Variants in ETV6 observed in about 807,000 individuals in gnomAD.
ETV6 encodes the protein transcription factor ETV6.
A neutral mutation model predicts 51.1 loss-of-function variants in ETV6; 16 were observed. The observed-to-expected ratio is 0.31, with a 90% CI of 0.21 to 0.48. ETV6 has a LOEUF of 0.48. ETV6 is among the 20% of genes least tolerant of loss of function. The pLI, the probability that ETV6 is intolerant of heterozygous loss-of-function variation, is 0.99. For synonymous variants in ETV6, 240 were observed against 224.1 expected, an observed-to-expected ratio of 1.07 and a Z score of -0.64; for missense variants, 458 against 594.8, an observed-to-expected ratio of 0.77 and a Z score of 2.39.
intron 4 of ETV6, among the ~76,000 whole-genome samples, chr12:11,859,439 C>A (rs1269153206): frequency 6.6e-6 from 1 of 152,088 alleles, no homozygotes; most frequent in Non-Finnish European, 1.5e-5. Context: ...CCACACCCGG[C>A]CTGAATCTGC....
At chr12:11,889,593 G>A (rs554763449) in intron 7 of ETV6, among the ~76,000 whole-genome samples, 64 of 152,296 alleles carry the variant, frequency 4.2e-4, no homozygotes, top group Admixed American at 2.0e-3. Flanking sequence ...GACTCAACTC[G>A]TGAGAAGAGT....
intron 1 of ETV6, among the ~76,000 whole-genome samples, chr12:11,746,411 G>A (rs986310753): frequency 1.3e-5 from 2 of 152,180 alleles, no homozygotes; most frequent in Non-Finnish European, 2.9e-5. Context: ...CAGGGTCATT[G>A]TGAGGCTGAA....
intron 2 of ETV6, among the ~76,000 whole-genome samples, chr12:11,809,966 C>T (rs990030171): frequency 4.0e-5 from 6 of 151,766 alleles, no homozygotes; most frequent in African/African-American, 1.5e-4. Context: ...ACTACAGGCA[C>T]GCACCACAAC....
intron 1 of ETV6, among the ~76,000 whole-genome samples, chr12:11,731,999 G>T (rs1217750836): frequency 6.6e-6 from 1 of 152,132 alleles, no homozygotes; most frequent in Non-Finnish European, 1.5e-5. Flanking sequence ...CAGCATGGTT[G>T]GGTCACCCAA....
At chr12:11,696,690 C>T (rs1864884801) in intron 1 of ETV6, among the ~76,000 whole-genome samples, 1 of 152,058 alleles carries the variant, frequency 6.6e-6, no homozygotes, top group African/African-American at 2.4e-5. Context: ...GTAGCAGGGG[C>T]CTGTAAACCC....
intron 1 of ETV6, among the ~76,000 whole-genome samples, chr12:11,672,445 C>T (rs1184377607): frequency 6.6e-6 from 1 of 152,122 alleles, no homozygotes. Flanking sequence ...AATATCTGCA[C>T]GTGAAGGTGA....
In ETV6 at chr12:11,869,573, C is replaced by G. The variant is rs1367618113; in HGVS notation, c.613C>G (p.Leu205Val). The G allele has an allele frequency of 7.4e-6, 12 of 1,614,068 alleles. No homozygotes were observed. The highest frequency in any genetic ancestry group is 9.3e-6 in the Non-Finnish European group (11 of 1,180,040). The change falls in exon 5 of 8, where the codon CTG (leucine) becomes GTG (valine). Residue 205 changes from leucine to valine, a missense_variant. Physicochemically the swap from Leu to Val is conservative, Grantham distance 32. Coordinates refer to ENST00000396373, the MANE Select transcript of ETV6 (RefSeq NM_001987.5). This position sits in a 1 kb window ranked among gnomAD's most constrained non-coding sequence, Gnocchi z 5.0. ...CGAGCAGCGGCCCCTCCGGTCCCCC[C>G]TGGACAACATGATCCGCCGCCTCTC... ...DPEQRPLRSP[L>V]DNMIRRLSPA...
intron 1 of ETV6, among the ~76,000 whole-genome samples, chr12:11,694,509 T>C (rs1192264109): frequency 1.3e-5 from 2 of 152,184 alleles, no homozygotes; most frequent in East Asian, 3.8e-4. Flanking sequence ...TTTCATGTCA[T>C]TGAGTGCAGA....
At chr12:11,715,773 A>C (rs1299214117) in intron 1 of ETV6, among the ~76,000 whole-genome samples, 1 of 152,232 alleles carries the variant, frequency 6.6e-6, no homozygotes, top group Admixed American at 6.5e-5. Flanking sequence ...CAATTTCACA[A>C]TGTGACCTTT....
rs1390770272 is a variant in ETV6 at position 11,892,453 on chromosome 12, T to A, written c.*1407T>A. ...CCTCAAAATAAGATCGATGGTATCT[T>A]GTAAAATGAGGGTAGTGCCACTTCT... On this transcript the variant is annotated 3_prime_UTR_variant, in exon 8 of 8. Coordinates refer to ENST00000396373, the MANE Select transcript of ETV6 (RefSeq NM_001987.5). 2 of 233,006 alleles carry A rather than the reference T, an allele frequency of 8.6e-6. No homozygotes were observed. The highest frequency in any genetic ancestry group is 1.7e-5 in the Non-Finnish European group (2 of 118,028). The allele number at this position is 233,006 out of a possible 1,614,324, so 14.4% of individuals were successfully genotyped here. A position where few individuals can be genotyped will look rare whatever the true frequency, so the allele number is the denominator to read the frequency against.
chr12:11,758,892 T>C (rs898051026), intron 2 of ETV6, among the ~76,000 whole-genome samples: 3 of 152,198 alleles, frequency 2.0e-5, no homozygotes, highest in African/African-American at 7.2e-5. Flanking sequence ...AAGCCTTCTT[T>C]TGGGTGCCTT....
intron 3 of ETV6, among the ~76,000 whole-genome samples, chr12:11,847,413 T>C (rs1368310320): frequency 3.9e-5 from 6 of 152,178 alleles, no homozygotes; most frequent in Admixed American, 3.9e-4. Flanking sequence ...AGATTTAGCA[T>C]AGACGAGCCG....
chr12:11,675,822 AAAGG>A (rs1864412204), intron 1 of ETV6, among the ~76,000 whole-genome samples: 1 of 152,002 alleles, frequency 6.6e-6, no homozygotes, highest in Non-Finnish European at 1.5e-5. Context: ...CTCTAAACAA[AAAGG>A]AAGGAAGGAA....
intron 2 of ETV6, among the ~76,000 whole-genome samples, chr12:11,791,531 C>G (rs1945592839): frequency 6.6e-6 from 1 of 152,180 alleles, no homozygotes; most frequent in Non-Finnish European, 1.5e-5. Flanking sequence ...CATAAAGATT[C>G]CTGTAAGGTC....
At position 11,666,082 on chromosome 12, in the gene ETV6, T is replaced by C. The variant is rs147195762; in HGVS notation, c.33+15922T>C. On this transcript the variant is annotated intron_variant, in intron 1 of 7. Coordinates refer to ENST00000396373, the MANE Select transcript of ETV6 (RefSeq NM_001987.5). The stretch of plus-strand genomic sequence containing the variant: ...GTGTGCGGTCTTGGCCATAGCTGGC[T>C]GTGGTATCTGGGACCCAGTGGCAGG... Among the ~76,000 whole-genome samples the C allele has an allele frequency of 2.3e-3, 347 of 152,324 alleles. 2 individuals are homozygous for C. Among genetic ancestry groups the C allele is most frequent in the African/African-American group, 8.1e-3 (337 of 41,568 alleles).
chr12:11,734,212 T>G (rs1865658128), intron 1 of ETV6, among the ~76,000 whole-genome samples: 1 of 152,204 alleles, frequency 6.6e-6, no homozygotes, highest in Non-Finnish European at 1.5e-5. Context: ...TAGTAGATAA[T>G]AGTTGTACAT....
At chr12:11,804,665 T>C (rs181835851) in intron 2 of ETV6, among the ~76,000 whole-genome samples, 8 of 152,272 alleles carry the variant, frequency 5.3e-5, no homozygotes, top group African/African-American at 1.7e-4. Flanking sequence ...CTTCCTTCAC[T>C]CTCCATCACC....
Position 11,650,242 on chromosome 12 carries a change from C to T in ETV6, c.33+82C>T, listed in dbSNP as rs373686099. 6.7e-5 allele frequency: 80 copies of T among 1,191,558 alleles called. No homozygotes were observed. The African/African-American group carries it at 1.1e-3, about 17-fold the overall frequency. The allele number at this position is 1,191,558 out of a possible 1,614,324, so 73.8% of individuals were successfully genotyped here. On this transcript the variant is annotated intron_variant, in intron 1 of 7. Transcript: ENST00000396373. ...GGCAGTCGTGCTGGGCTCCTCAGAGCAGGCTGTTGCAGTTGCTCTGTTCGC... is the reference window on the plus strand; with the variant it reads ...GGCAGTCGTGCTGGGCTCCTCAGAGTAGGCTGTTGCAGTTGCTCTGTTCGC...
Position 11,893,947 on chromosome 12 carries a change from A to G in ETV6, c.*2901A>G, listed in dbSNP as rs1021706044. On this transcript the variant is annotated 3_prime_UTR_variant, in exon 8 of 8. Transcript: ENST00000396373. ...CCAAGCATTTCAGATAAGGGATATC[A>G]ATCTGTACTACCAATAAGGATTTCG... 3 of 214,878 alleles carry G rather than the reference A, an allele frequency of 1.4e-5. No homozygotes were observed. Among genetic ancestry groups the G allele is most frequent in the Non-Finnish European group, 2.8e-5 (3 of 106,848 alleles). 13.3% of individuals were successfully genotyped at this position (214,878 alleles called of 1,614,324 possible). A position where few individuals can be genotyped will look rare whatever the true frequency, so the allele number is the denominator to read the frequency against.
Sources: allele counts gnomAD v4.1 joint callset (sites outside exome capture counted in the v4.1 genomes callset), GRCh38; gene constraint gnomAD v4.1.1; non-coding constraint Gnocchi (gnomAD v3.1); transcripts MANE v1.5; gene names NCBI Gene and HGNC (gene_info 2026-07-23, HGNC 2026-07-21).